Variants in KIF13B observed in about 807,000 individuals in gnomAD.
KIF13B encodes kinesin family member 13B.
A neutral mutation model predicts 222.0 loss-of-function variants in KIF13B; 127 were observed. The ratio of observed to expected loss-of-function variants is 0.57; its 90% CI spans 0.50 to 0.66. The LOEUF (loss-of-function observed/expected upper bound fraction) is 0.66, where lower values mean the gene tolerates loss of function less well. Ranked by LOEUF, KIF13B falls within the 30% of genes least tolerant of loss-of-function variation. KIF13B has a pLI of 0.00. For missense variants in KIF13B, 2,173 were observed against 2,379.0 expected (o/e 0.91, Z 1.80); for synonymous variants, 976 against 919.0 (o/e 1.06, Z -1.12).
chr8:29,235,008 A>G (rs1387762921), intron 2 of KIF13B, among the ~76,000 whole-genome samples: 1 of 151,998 alleles, frequency 6.6e-6, no homozygotes, highest in Non-Finnish European at 1.5e-5. Context: ...AATATGGACT[A>G]TGGTGCCTGA....
intron 3 of KIF13B, among the ~76,000 whole-genome samples, chr8:29,191,548 TA>T (rs1461062406): frequency 1.3e-5 from 2 of 152,180 alleles, no homozygotes; most frequent in African/African-American, 4.8e-5. Context: ...CTTACTAATT[TA>T]AAAAAAGTTT....
intron 10 of KIF13B, among the ~76,000 whole-genome samples, chr8:29,174,024 C>T (rs961253043): frequency 2.6e-5 from 4 of 151,692 alleles, no homozygotes; most frequent in African/African-American, 4.8e-5. Flanking sequence ...GTATAGAGCA[C>T]GTTTGATATA....
upstream of KIF13B, chr8:29,263,132 G>C (rs1816753415): frequency 8.3e-7 from 1 of 1,206,466 alleles, no homozygotes; most frequent in Non-Finnish European, 1.2e-6. Flanking sequence ...GGCGGAGCCG[G>C]GGGTGGGGAC....
At chr8:29,193,783 G>A (rs1394082415) in intron 3 of KIF13B, among the ~76,000 whole-genome samples, 1 of 152,174 alleles carries the variant, frequency 6.6e-6, no homozygotes, top group Non-Finnish European at 1.5e-5. Flanking sequence ...CAAAGTAGAT[G>A]CTATGTAAAT....
In KIF13B at chr8:29,228,466, T is replaced by TAAAAAAAAAAAAA. The variant is rs71551621; in HGVS notation, c.149+16879_149+16880insTTTTTTTTTTTTT. Among the ~76,000 whole-genome samples the TAAAAAAAAAAAAA allele has an allele frequency of 4.7e-4, 32 of 68,270 alleles. 1 individual carries two copies. Among genetic ancestry groups the TAAAAAAAAAAAAA allele is most frequent in the Non-Finnish European group, 9.4e-4 (29 of 30,708 alleles). The allele number at this position is 68,270 out of a possible 152,430, so 44.8% of individuals were successfully genotyped here. A position where few individuals can be genotyped will look rare whatever the true frequency, so the allele number is the denominator to read the frequency against. On this transcript the variant is annotated intron_variant, in intron 2 of 39. Coordinates refer to ENST00000524189, the MANE Select transcript of KIF13B (RefSeq NM_015254.4). ...TGGGTGACAGAGCCAGACTCCATCTTAAAAAAATATATATATATATATATG... is the reference window on the plus strand; with the variant it reads ...TGGGTGACAGAGCCAGACTCCATCTTAAAAAAAAAAAAAAAAAAAATATATATATATATATATG...
intron 8 of KIF13B, among the ~76,000 whole-genome samples, 156 bp from the exon 9 acceptor site, chr8:29,177,734 T>C (rs1812541828): frequency 6.6e-6 from 1 of 151,992 alleles, no homozygotes; most frequent in African/African-American, 2.4e-5. Flanking sequence ...AAATCCTGTC[T>C]CCACAAAAAA....
intron 2 of KIF13B, among the ~76,000 whole-genome samples, chr8:29,211,784 A>G (rs1388069032): frequency 6.6e-6 from 1 of 152,246 alleles, no homozygotes; most frequent in African/African-American, 2.4e-5. Flanking sequence ...TTTGGTATAG[A>G]GCCCAGAATT....
intron 18 of KIF13B, 36 bp from the exon 19 acceptor site, chr8:29,142,339 C>A (rs1810854000): frequency 1.9e-6 from 3 of 1,582,230 alleles, no homozygotes; most frequent in Non-Finnish European, 1.7e-6. Flanking sequence ...GAGAAACACA[C>A]AGGCAGCGGG....
intron 24 of KIF13B, among the ~76,000 whole-genome samples, chr8:29,128,983 C>T (rs953684368): frequency 2.0e-5 from 3 of 152,188 alleles, no homozygotes; most frequent in Non-Finnish European, 4.4e-5. Context: ...TGTTTTCCAG[C>T]TCTTTCTCCA....
intron 2 of KIF13B, among the ~76,000 whole-genome samples, chr8:29,203,602 C>T (rs529635110): frequency 3.2e-4 from 48 of 152,220 alleles, no homozygotes; most frequent in East Asian, 1.4e-3. Context: ...GACATTAAGA[C>T]AGAAAATGCG....
At chr8:29,110,644 G>A (rs533103123) in intron 32 of KIF13B, 1 of 153,488 alleles carries the variant, frequency 6.5e-6, no homozygotes, top group Admixed American at 6.5e-5. Context: ...CCAAAGGCCT[G>A]GAGCCGACCA....
intron 37 of KIF13B, among the ~76,000 whole-genome samples, chr8:29,087,467 T>C (rs1399398202): frequency 2.6e-5 from 4 of 152,214 alleles, no homozygotes; most frequent in African/African-American, 7.2e-5. Flanking sequence ...TAGGAATGAA[T>C]CTGAAGTTCC....
chr8:29,092,379 G>C (rs1313181544), intron 37 of KIF13B, among the ~76,000 whole-genome samples: 1 of 152,132 alleles, frequency 6.6e-6, no homozygotes, highest in African/African-American at 2.4e-5. Flanking sequence ...ATATAAAATT[G>C]TTTGAAAAAA....
chr8:29,251,729 C>A (rs1429239860), intron 1 of KIF13B, among the ~76,000 whole-genome samples: 1 of 152,132 alleles, frequency 6.6e-6, no homozygotes, highest in Non-Finnish European at 1.5e-5. Flanking sequence ...GTACTCAATG[C>A]TACTGAACTG....
At chr8:29,132,131 AGCTATTCAG>A (rs1181284218) in intron 23 of KIF13B, among the ~76,000 whole-genome samples, 168 bp downstream of exon 23, 5 of 152,138 alleles carry the variant, frequency 3.3e-5, no homozygotes, top group African/African-American at 1.2e-4. Context: ...CTATAATCCC[AGCTATTCAG>A]GAGGCTGAGG....
At chr8:29,126,566 G>A in intron 25 of KIF13B, 55 bp from the exon 26 acceptor site, 1 of 1,052,618 alleles carries the variant, frequency 9.5e-7, no homozygotes, top group South Asian at 1.4e-5. Context: ...CCAAGAATCA[G>A]GCTACGCTAA....
chr8:29,187,481 A>T (rs575647725), intron 5 of KIF13B, among the ~76,000 whole-genome samples: 5 of 152,346 alleles, frequency 3.3e-5, no homozygotes, highest in Admixed American at 2.0e-4. Context: ...CAATGAGCAG[A>T]GATTGTGCCA....
chr8:29,184,027 A>G (rs1812826443), intron 6 of KIF13B, among the ~76,000 whole-genome samples: 1 of 152,220 alleles, frequency 6.6e-6, no homozygotes, highest in Non-Finnish European at 1.5e-5. Context: ...AGGATCAACC[A>G]TTAAAAATGT....
At position 29,116,926 on chromosome 8, in the gene KIF13B, A is replaced by G. The variant is rs1336922072; in HGVS notation, c.3742T>C (p.Phe1248Leu). 1 of 1,613,288 alleles carries G rather than the reference A, an allele frequency of 6.2e-7. No individual in the cohort carries two copies. Among genetic ancestry groups the G allele is most frequent in the Non-Finnish European group, 8.5e-7 (1 of 1,179,492 alleles). ...SRGTPVDERL[F>L]LIVRVTVQLS... ...TGGACCGTCACGCGCACGATCAGGA[A>G]CAACCGCTCGTCCACGGGCGTGCCC... The change falls in exon 31 of 40, where the codon TTC becomes CTC. Residue 1248 changes from phenylalanine to leucine, a missense_variant. By Grantham distance (22) the Phe-to-Leu change is conservative (BLOSUM62 0). Around this residue, in one of 2 missense-constraint regions of KIF13B, gnomAD observed 1,480 missense variants for 1,722.8 expected, o/e 0.86. Transcript: ENST00000524189.
Sources: allele counts gnomAD v4.1 joint callset (sites outside exome capture counted in the v4.1 genomes callset), GRCh38; gene constraint gnomAD v4.1.1; regional missense constraint gnomAD v4.1.1; transcripts MANE v1.5; gene names NCBI Gene and HGNC (gene_info 2026-07-23, HGNC 2026-07-21).